The following WDPCP variants were observed in gnomAD, a reference collection of about 807,000 sequenced individuals.
The protein encoded by WDPCP is WD repeat-containing and planar cell polarity effector protein fritz homolog.
A neutral mutation model predicts 93.1 loss-of-function variants in WDPCP; 71 were observed. The observed-to-expected ratio is 0.76, with a 90% CI of 0.63 to 0.93. The LOEUF (loss-of-function observed/expected upper bound fraction) is 0.93. WDPCP is among the 40% of genes least tolerant of loss of function. WDPCP has a pLI of 0.00. For synonymous variants in WDPCP, 315 were observed against 315.0 expected (o/e 1.00, Z 0.00); for missense variants, 844 against 887.4 (o/e 0.95, Z 0.62).
intron 13 of WDPCP, among the ~76,000 whole-genome samples, chr2:63,283,906 T>C (rs1170722615): frequency 6.6e-6 from 1 of 152,192 alleles, no homozygotes; most frequent in East Asian, 1.9e-4. Flanking sequence ...TGAGGAATTC[T>C]AATGAGGAAT....
upstream of WDPCP, among the ~76,000 whole-genome samples, chr2:63,832,708 T>C (rs1447233893): frequency 2.6e-5 from 4 of 152,246 alleles, no homozygotes; most frequent in African/African-American, 9.6e-5. Flanking sequence ...TCTCATTTGA[T>C]AGTTCATTGA....
chr2:63,809,417 A>T (rs1037683153), intron 2 of WDPCP, among the ~76,000 whole-genome samples: 4 of 152,186 alleles, frequency 2.6e-5, no homozygotes, highest in African/African-American at 7.2e-5. Context: ...GGTGTGCCCA[A>T]CAGCTCATTG....
At chr2:63,474,926 T>C (rs1699888456) in intron 6 of WDPCP, among the ~76,000 whole-genome samples, 1 of 152,152 alleles carries the variant, frequency 6.6e-6, no homozygotes, top group Non-Finnish European at 1.5e-5. Flanking sequence ...TAGTGGGTAA[T>C]ACTGAGTGGC....
intron 12 of WDPCP, among the ~76,000 whole-genome samples, chr2:63,365,170 G>A (rs1690803935): frequency 6.6e-6 from 1 of 152,134 alleles, no homozygotes; most frequent in Admixed American, 6.6e-5. Context: ...TAGCCAACTA[G>A]CACAAATTTG....
At chr2:63,242,309 G>T (rs1318276225) in intron 14 of WDPCP, among the ~76,000 whole-genome samples, 2 of 152,158 alleles carry the variant, frequency 1.3e-5, no homozygotes, top group African/African-American at 2.4e-5. Flanking sequence ...CATTTGGAAG[G>T]ATTTCATAAT....
intron 1 of WDPCP, among the ~76,000 whole-genome samples, chr2:63,500,454 G>GGTGTATGT (rs1553412908): frequency 6.7e-6 from 1 of 149,474 alleles, no homozygotes; most frequent in Non-Finnish European, 1.5e-5. Context: ...ATGGTGTGGG[G>GGTGTATGT]GTGTGTGTGT....
chr2:63,747,801 C>G (rs1022697156), intron 2 of WDPCP, among the ~76,000 whole-genome samples: 9 of 151,962 alleles, frequency 5.9e-5, no homozygotes, highest in African/African-American at 2.2e-4. Flanking sequence ...TCATGTTTGA[C>G]TTTTTAAACA....
At chr2:63,149,158 A>C (rs1396038604) in intron 17 of WDPCP, among the ~76,000 whole-genome samples, 1 of 152,214 alleles carries the variant, frequency 6.6e-6, no homozygotes, top group Admixed American at 6.5e-5. Flanking sequence ...AAAGACTACT[A>C]CAAATCAGTG....
At chr2:63,277,269 G>T (rs1274064876) in intron 13 of WDPCP, among the ~76,000 whole-genome samples, 1 of 151,530 alleles carries the variant, frequency 6.6e-6, no homozygotes, top group African/African-American at 2.4e-5. Context: ...CACCAAAATC[G>T]AACCTCCTTA....
chr2:63,136,220 T>G (rs13010733), intron 17 of WDPCP, among the ~76,000 whole-genome samples: 25,067 of 152,160 alleles, frequency 0.16, 2,285 homozygotes, highest in Middle Eastern at 0.24. Context: ...ACAGTTTTCT[T>G]AGAATTAAAG....
intron 1 of WDPCP, among the ~76,000 whole-genome samples, chr2:63,529,819 T>C (rs1703678954): frequency 6.6e-6 from 1 of 152,210 alleles, no homozygotes; most frequent in Non-Finnish European, 1.5e-5. Context: ...TGTGAATCCT[T>C]CTGGTCCTCG....
intron 10 of WDPCP, among the ~76,000 whole-genome samples, chr2:63,384,515 A>C (rs1322712645): frequency 6.6e-6 from 1 of 152,170 alleles, no homozygotes; most frequent in Non-Finnish European, 1.5e-5. Flanking sequence ...ACACACGTGC[A>C]CCAATGCACA....
intron 3 of WDPCP, among the ~76,000 whole-genome samples, chr2:63,636,282 G>A (rs1176005144): frequency 1.3e-5 from 2 of 152,142 alleles, no homozygotes; most frequent in African/African-American, 4.8e-5. Flanking sequence ...ACTATCCAAA[G>A]TGATCAATAG....
intron 2 of WDPCP, among the ~76,000 whole-genome samples, chr2:63,776,500 C>A (rs1448119242): frequency 6.6e-6 from 1 of 151,264 alleles, no homozygotes; most frequent in Non-Finnish European, 1.5e-5. Flanking sequence ...ACAAAAAATA[C>A]AAAAAATTAC....
At chr2:63,156,463 C>T (rs759335980) in intron 15 of WDPCP, among the ~76,000 whole-genome samples, 44 of 152,110 alleles carry the variant, frequency 2.9e-4, no homozygotes, top group Non-Finnish European at 5.6e-4. Context: ...GGGCCGGGAG[C>T]GGTGGCTCAT....
At chr2:63,153,632 T>C in intron 15 of WDPCP, 58 bp from the exon 16 acceptor site, 2 of 1,212,706 alleles carry the variant, frequency 1.6e-6, no homozygotes, top group Non-Finnish European at 2.4e-6. Flanking sequence ...ATTTTAAGGT[T>C]AGGTATAAGT....
At chr2:63,628,277 C>T (rs1217840335) in intron 3 of WDPCP, among the ~76,000 whole-genome samples, 1 of 151,966 alleles carries the variant, frequency 6.6e-6, no homozygotes. Context: ...AAATTTTTTT[C>T]TCAATAGAAA....
chr2:63,218,814 G>C (rs1677568853), intron 14 of WDPCP, among the ~76,000 whole-genome samples: 1 of 152,184 alleles, frequency 6.6e-6, no homozygotes, highest in Admixed American at 6.5e-5. Context: ...GATTACAGGT[G>C]TGAGCCACTG....
intron 14 of WDPCP, among the ~76,000 whole-genome samples, chr2:63,185,054 G>C (rs1204149769): frequency 6.6e-6 from 1 of 151,964 alleles, no homozygotes; most frequent in Non-Finnish European, 1.5e-5. Context: ...CAAAAGTTAT[G>C]TTTGTTCATT....
Sources: allele counts gnomAD v4.1 joint callset (sites outside exome capture counted in the v4.1 genomes callset), GRCh38; gene constraint gnomAD v4.1.1; transcripts MANE v1.5; gene names NCBI Gene and HGNC (gene_info 2026-07-23, HGNC 2026-07-21).